The following CPEB1 variants were observed in gnomAD, a reference collection of about 807,000 sequenced individuals.
The protein encoded by CPEB1 is cytoplasmic polyadenylation element-binding protein 1.
A neutral mutation model predicts 65.8 loss-of-function variants in CPEB1; 7 were observed. The observed-to-expected ratio is 0.11, with a 90% CI of 0.06 to 0.20. The LOEUF (loss-of-function observed/expected upper bound fraction) is 0.20. Ranked by LOEUF, CPEB1 falls within the 10% of genes least tolerant of loss-of-function variation. The probability of loss-of-function intolerance (pLI) is 1.00; values close to 1 mark genes in which losing one functional copy is unlikely to be tolerated. For missense variants in CPEB1, 551 were observed against 712.2 expected (o/e 0.77, Z 2.58); for synonymous variants, 262 against 260.0 (o/e 1.01, Z -0.08).
rs2047652176 is a variant in CPEB1 at position 82,647,296 on chromosome 15, G to A, written c.-257C>T. The A allele has an allele frequency of 6.6e-6, 1 of 152,240 alleles. No homozygotes were observed. The highest frequency in any genetic ancestry group is 1.5e-5 in the Non-Finnish European group (1 of 68,144). The allele number at this position is 152,240 out of a possible 1,614,324, so 9.4% of individuals were successfully genotyped here. On this transcript the variant is annotated 5_prime_UTR_variant, in exon 1 of 13. Transcript: ENST00000684509. ...CCTGCCCAGGATTGGGAAGCCGCAC[G>A]AGGGGCTTGAGCCCTCCACCTTAAA...
chr15:82,643,621 T>C (rs587595508), intron 1 of CPEB1, among the ~76,000 whole-genome samples: 7 of 146,638 alleles, frequency 4.8e-5, no homozygotes, highest in African/African-American at 1.8e-4. Flanking sequence ...AGAGTCTCCA[T>C]CTCAAAAAAA....
intron 3 of CPEB1, among the ~76,000 whole-genome samples, chr15:82,592,064 G>A (rs996975180): frequency 1.3e-5 from 2 of 151,022 alleles, no homozygotes; most frequent in Non-Finnish European, 3.0e-5. Flanking sequence ...GGCTGGTCTC[G>A]AACTCTGGCT....
chr15:82,593,742 G>A (rs999382626), intron 3 of CPEB1, among the ~76,000 whole-genome samples: 5 of 152,188 alleles, frequency 3.3e-5, no homozygotes, highest in Admixed American at 2.0e-4. Flanking sequence ...AATAAGACTT[G>A]AAAGTAAAAA....
intron 3 of CPEB1, among the ~76,000 whole-genome samples, chr15:82,620,045 G>C (rs1444931338): frequency 6.6e-6 from 1 of 152,134 alleles, no homozygotes; most frequent in Non-Finnish European, 1.5e-5. Flanking sequence ...TCATACAATG[G>C]AATACTGTAA....
chr15:82,638,377 T>C (rs993174360), intron 1 of CPEB1, among the ~76,000 whole-genome samples: 4 of 152,184 alleles, frequency 2.6e-5, no homozygotes, highest in Admixed American at 6.6e-5. Context: ...ATAACAAACG[T>C]TGACACACTA....
rs557487495 is a variant in CPEB1, at chr15:82,579,638, C to T, written c.272-8106G>A. ...CAAAAGACTCTCAAGCACGGCCGGGCGCGGTGGCTCACGCCTGTAATCCCA... is the reference window on the plus strand; with the variant it reads ...CAAAAGACTCTCAAGCACGGCCGGGTGCGGTGGCTCACGCCTGTAATCCCA... On this transcript the variant is annotated intron_variant, in intron 3 of 12. Coordinates refer to ENST00000684509, the MANE Select transcript of CPEB1 (RefSeq NM_001365242.1). Among the ~76,000 whole-genome samples the T allele has an allele frequency of 4.1e-4, 63 of 151,944 alleles. 1 individual carries two copies. Among genetic ancestry groups the T allele is most frequent in the Non-Finnish European group, 5.3e-4 (36 of 67,962 alleles).
At chr15:82,567,584 C>A (rs1390982323) in intron 4 of CPEB1, among the ~76,000 whole-genome samples, 1 of 151,396 alleles carries the variant, frequency 6.6e-6, no homozygotes, top group Non-Finnish European at 1.5e-5. Flanking sequence ...TGCAGTGAGC[C>A]AAGATCGCAC....
chr15:82,566,536 C>T, intron 4 of CPEB1, among the ~76,000 whole-genome samples: 1 of 152,138 alleles, frequency 6.6e-6, no homozygotes, highest in South Asian at 2.1e-4. Context: ...TGGCGGTAAA[C>T]AGAGTGTGGA....
chr15:82,645,522 G>C (rs919925222), intron 1 of CPEB1, among the ~76,000 whole-genome samples: 5 of 152,008 alleles, frequency 3.3e-5, no homozygotes, highest in Non-Finnish European at 7.4e-5. Flanking sequence ...TCTATAAACT[G>C]AGCAGGCACT....
intron 4 of CPEB1, among the ~76,000 whole-genome samples, chr15:82,565,251 T>C (rs530379490): frequency 1.3e-5 from 2 of 152,170 alleles, no homozygotes; most frequent in South Asian, 4.2e-4. Context: ...GTTCTCTGAG[T>C]GTCTACAGAT....
intron 3 of CPEB1, among the ~76,000 whole-genome samples, chr15:82,574,722 CA>C (rs534968367): frequency 1.9e-3 from 103 of 53,494 alleles, no homozygotes; most frequent in South Asian, 5.0e-3. Flanking sequence ...GACTCGGTCT[CA>C]AAAAAAAAAA....
At chr15:82,624,571 C>T (rs966272244) in intron 3 of CPEB1, among the ~76,000 whole-genome samples, 3 of 152,082 alleles carry the variant, frequency 2.0e-5, no homozygotes, top group African/African-American at 7.2e-5. Flanking sequence ...ACTTGTACTT[C>T]GGCTACTGAC....
At chr15:82,631,205 T>A (rs62009945) in intron 1 of CPEB1, among the ~76,000 whole-genome samples, 32,940 of 152,004 alleles carry the variant, frequency 0.22, 4,518 homozygotes, top group South Asian at 0.41. Flanking sequence ...ATGTGTCTGG[T>A]CACCCTGCCC....
At chr15:82,611,092 T>C (rs542996854) in intron 3 of CPEB1, among the ~76,000 whole-genome samples, 1 of 151,446 alleles carries the variant, frequency 6.6e-6, no homozygotes, top group Admixed American at 6.6e-5. Flanking sequence ...TCTTCACTTC[T>C]ATTCAAAACT....
intron 9 of CPEB1, 123 bp from the exon 10 acceptor site, chr15:82,549,781 G>T (rs1024217717): frequency 1.3e-5 from 12 of 910,810 alleles, no homozygotes; most frequent in Non-Finnish European, 2.0e-5. Flanking sequence ...GGGGTGAAAA[G>T]GTGCTGTTGC....
intron 3 of CPEB1, among the ~76,000 whole-genome samples, chr15:82,620,455 A>C (rs1482903949): frequency 6.6e-6 from 1 of 151,704 alleles, no homozygotes; most frequent in Non-Finnish European, 1.5e-5. Flanking sequence ...CATATCTGTG[A>C]TTCCATTTAT....
intron 3 of CPEB1, among the ~76,000 whole-genome samples, chr15:82,613,808 C>G (rs973719087): frequency 2.0e-5 from 3 of 152,116 alleles, no homozygotes; most frequent in African/African-American, 7.2e-5. Flanking sequence ...CAAGCTCCCC[C>G]CGGGGAGAGA....
intron 3 of CPEB1, among the ~76,000 whole-genome samples, chr15:82,579,486 A>T (rs2041012245): frequency 2.4e-5 from 3 of 126,048 alleles, no homozygotes; most frequent in Admixed American, 2.4e-4. Context: ...CTTTATCAAG[A>T]TTTATAACAT....
intron 3 of CPEB1, among the ~76,000 whole-genome samples, chr15:82,609,457 C>A (rs1050191143): frequency 6.6e-6 from 1 of 151,594 alleles, no homozygotes; most frequent in South Asian, 2.1e-4. Context: ...GCTGTGATCA[C>A]GCCACTGCAC....
Sources: allele counts gnomAD v4.1 joint callset (sites outside exome capture counted in the v4.1 genomes callset), GRCh38; gene constraint gnomAD v4.1.1; transcripts MANE v1.5; gene names NCBI Gene and HGNC (gene_info 2026-07-23, HGNC 2026-07-21).